The following EPHA5 variants were observed in gnomAD, a reference collection of about 807,000 sequenced individuals.
EPHA5 encodes the protein ephrin type-A receptor 5.
EPHA5 carries 60 observed loss-of-function variants against 105.0 expected under a neutral mutation model. That is an observed-to-expected ratio of 0.57 (90% CI 0.46 to 0.71). EPHA5 has a LOEUF of 0.71. Ranked by LOEUF, EPHA5 falls within the 30% of genes least tolerant of loss-of-function variation. EPHA5 has a pLI of 0.00. For synonymous variants in EPHA5, 513 were observed against 449.1 expected (o/e 1.14, Z -1.80); for missense variants, 1,218 against 1,274.7 (o/e 0.96, Z 0.68).
At chr4:65,487,202 A>G (rs1730963704) in intron 5 of EPHA5, among the ~76,000 whole-genome samples, 2 of 152,292 alleles carry the variant, frequency 1.3e-5, no homozygotes, top group African/African-American at 4.8e-5. Context: ...AGACTAATAC[A>G]AACAGTGAGA....
chr4:65,549,642 T>C (rs556405011), intron 3 of EPHA5, among the ~76,000 whole-genome samples: 1 of 152,252 alleles, frequency 6.6e-6, no homozygotes, highest in South Asian at 2.1e-4. Context: ...CTTTAAAAAC[T>C]GATTATTTAC....
intron 8 of EPHA5, among the ~76,000 whole-genome samples, chr4:65,391,538 C>A (rs556199594): frequency 6.6e-5 from 10 of 152,158 alleles, no homozygotes; most frequent in Admixed American, 6.6e-5. Flanking sequence ...TAACTGATTT[C>A]TCTGTTGAAT....
At chr4:65,449,882 G>A (rs62298046) in intron 5 of EPHA5, among the ~76,000 whole-genome samples, 2,186 of 151,978 alleles carry the variant, frequency 0.014, 30 homozygotes, top group South Asian at 0.034. Context: ...CCTGAAACAG[G>A]TCCTCCTTTA....
rs575420068 is a variant in EPHA5 at position 65,579,594 on chromosome 4, C to A, written c.910+22047G>T. ...ATGAGAATAATTACTAGTTATTTCT[C>A]ATTGTATTTGTTATCTTCATGTTTT... On this transcript the variant is annotated intron_variant, in intron 3 of 16. Coordinates refer to ENST00000613740, the MANE Select transcript of EPHA5 (RefSeq NM_001281766.3). Among the ~76,000 whole-genome samples the A allele has an allele frequency of 5.9e-4, 90 of 151,712 alleles. 1 individual carries two copies. In the Middle Eastern group the frequency reaches 0.024, roughly 40 times the overall value.
At chr4:65,635,350 T>A (rs561517726) in intron 2 of EPHA5, among the ~76,000 whole-genome samples, 2 of 152,200 alleles carry the variant, frequency 1.3e-5, no homozygotes, top group East Asian at 1.9e-4. Context: ...TTATGAATGA[T>A]CCTAAAAGTT....
At chr4:65,515,104 T>C (rs1307233265) in intron 3 of EPHA5, among the ~76,000 whole-genome samples, 4 of 152,162 alleles carry the variant, frequency 2.6e-5, no homozygotes, top group Non-Finnish European at 5.9e-5. Flanking sequence ...CAACTCTCCA[T>C]GTTCCCTAAA....
Position 65,365,794 on chromosome 4 carries a change from G to T in EPHA5, c.1987+138C>A, listed in dbSNP as rs546902471. Reference sequence around the variant, plus strand: ...GTTACACTGAAGGTTGTATTAAAATGTGATCAGTTACATATCACTTTGAAT... The same window carrying T: ...GTTACACTGAAGGTTGTATTAAAATTTGATCAGTTACATATCACTTTGAAT... On this transcript the variant is annotated intron_variant, in intron 10 of 16. Transcript: ENST00000613740. The T allele has an allele frequency of 2.2e-5, 17 of 778,590 alleles. No homozygotes were observed. In the African/African-American group the frequency reaches 2.6e-4, roughly 12 times the overall value. 48.2% of individuals were successfully genotyped at this position (778,590 alleles called of 1,614,324 possible).
rs1577842604 is a variant in EPHA5, at chr4:65,335,821, T to C, written c.2789+111A>G. The C allele has an allele frequency of 4.5e-6, 5 of 1,121,052 alleles. No individual in the cohort carries two copies. In the East Asian group the frequency reaches 7.7e-5, roughly 17 times the overall value. 69.4% of individuals were successfully genotyped at this position (1,121,052 alleles called of 1,614,324 possible). A position where few individuals can be genotyped will look rare whatever the true frequency, so the allele number is the denominator to read the frequency against. ...ACTATATCCAAATAAATTAGTGTCA[T>C]ATAGATTCACAGATTAATGTCTATA... On this transcript the variant is annotated intron_variant, in intron 15 of 16. Transcript: ENST00000613740.
intron 3 of EPHA5, among the ~76,000 whole-genome samples, chr4:65,557,566 T>C (rs894669856): frequency 1.4e-4 from 22 of 151,986 alleles, no homozygotes; most frequent in African/African-American, 4.3e-4. Context: ...TCTCACTAAG[T>C]AATTATTCTA....
Position 65,484,987 on chromosome 4 carries a change from G to A in EPHA5, c.1402+5390C>T, listed in dbSNP as rs1730744787. Among the ~76,000 whole-genome samples, 6 of 151,838 alleles carry A rather than the reference G, an allele frequency of 4.0e-5. No individual in the cohort carries two copies. In the South Asian group the frequency reaches 1.3e-3, roughly 32 times the overall value. On this transcript the variant is annotated intron_variant, in intron 5 of 16. Coordinates refer to ENST00000613740, the MANE Select transcript of EPHA5 (RefSeq NM_001281766.3). ...TGTAAATAAATCTAAATATTATTTG[G>A]CAAAGAAAGATTATCATGTGTAAAT...
intron 3 of EPHA5, among the ~76,000 whole-genome samples, chr4:65,585,190 T>C (rs541226234): frequency 6.6e-6 from 1 of 151,556 alleles, no homozygotes; most frequent in Non-Finnish European, 1.5e-5. Context: ...GTGCTTAGAA[T>C]AGTGTGTGAT....
Position 65,608,000 on chromosome 4 carries a change from C to A in EPHA5, c.247-5696G>T, listed in dbSNP as rs189382390. The stretch of plus-strand genomic sequence containing the variant: ...ATATACACCATGAAACACTGTGCAG[C>A]CATACTAAACGATGAGTTCATGTCC... On this transcript the variant is annotated intron_variant, in intron 2 of 16. Coordinates refer to ENST00000613740, the MANE Select transcript of EPHA5 (RefSeq NM_001281766.3). 8.7e-4 allele frequency among the ~76,000 whole-genome samples: 133 copies of A among 152,216 alleles called. 3 individuals carry two copies. The highest frequency in any genetic ancestry group is 6.8e-3 in the Admixed American group (104 of 15,280).
chr4:65,574,214 A>T, intron 3 of EPHA5: 2 of 1,603,658 alleles, frequency 1.2e-6, no homozygotes, highest in South Asian at 2.2e-5. Context: ...TTGATCAGAA[A>T]GCTGTGGACT....
intron 7 of EPHA5, among the ~76,000 whole-genome samples, chr4:65,413,112 C>T (rs1723068685): frequency 6.6e-6 from 1 of 151,928 alleles, no homozygotes; most frequent in South Asian, 2.1e-4. Flanking sequence ...ATTAAACAAT[C>T]CATTACTAAT....
intron 3 of EPHA5, among the ~76,000 whole-genome samples, chr4:65,558,871 A>T (rs956423237): frequency 9.2e-5 from 14 of 152,176 alleles, no homozygotes; most frequent in African/African-American, 3.4e-4. Flanking sequence ...TTTCTCATTT[A>T]AAAAATTCTT....
At chr4:65,394,471 T>A (rs1391731003) in intron 8 of EPHA5, among the ~76,000 whole-genome samples, 3 of 152,138 alleles carry the variant, frequency 2.0e-5, no homozygotes, top group Non-Finnish European at 4.4e-5. Context: ...CAGATAAAAA[T>A]CTCTATTATT....
chr4:65,590,563 T>C (rs1742536020), intron 3 of EPHA5, among the ~76,000 whole-genome samples: 1 of 152,164 alleles, frequency 6.6e-6, no homozygotes. Flanking sequence ...CATGTCTTTC[T>C]AGACTAAAGT....
intron 3 of EPHA5, among the ~76,000 whole-genome samples, chr4:65,585,154 A>G (rs11131602): frequency 0.49 from 74,221 of 150,992 alleles, 19,856 homozygotes; most frequent in Middle Eastern, 0.65. Context: ...GTCTGTGTCC[A>G]GATCCAATTA....
intron 3 of EPHA5, among the ~76,000 whole-genome samples, chr4:65,601,426 G>A (rs1743711764): frequency 1.3e-5 from 2 of 152,124 alleles, no homozygotes; most frequent in South Asian, 2.1e-4. Flanking sequence ...CACTCTCTGA[G>A]TATTAATTAT....
Sources: allele counts gnomAD v4.1 joint callset (sites outside exome capture counted in the v4.1 genomes callset), GRCh38; gene constraint gnomAD v4.1.1; transcripts MANE v1.5; gene names NCBI Gene and HGNC (gene_info 2026-07-23, HGNC 2026-07-21).